The following NRXN3 variants were observed in gnomAD, a reference collection of about 807,000 sequenced individuals.
NRXN3 encodes the protein neurexin 3.
A neutral mutation model predicts 137.6 loss-of-function variants in NRXN3; 32 were observed. That is an observed-to-expected ratio of 0.23 (90% CI 0.18 to 0.31). NRXN3 has a LOEUF of 0.31. Ranked by LOEUF, NRXN3 falls within the 10% of genes least tolerant of loss-of-function variation. The probability of loss-of-function intolerance (pLI) is 1.00; values close to 1 mark genes in which losing one functional copy is unlikely to be tolerated. For synonymous variants in NRXN3, 798 were observed against 784.5 expected, an observed-to-expected ratio of 1.02 and a Z score of -0.29; for missense variants, 1,574 against 2,062.5, an observed-to-expected ratio of 0.76 and a Z score of 4.59.
chr14:78,318,841 C>T (rs764316331), intron 4 of NRXN3, among the ~76,000 whole-genome samples: 26 of 152,198 alleles, frequency 1.7e-4, no homozygotes, highest in Non-Finnish European at 2.2e-4. Flanking sequence ...AGGGCTGCTG[C>T]CTCTTAGCAC....
chr14:79,627,481 C>T (rs1186453045), intron 16 of NRXN3, among the ~76,000 whole-genome samples: 1 of 152,160 alleles, frequency 6.6e-6, no homozygotes, highest in East Asian at 1.9e-4. Flanking sequence ...AATGAATAAG[C>T]CATCCATCTC....
chr14:78,318,714 A>G (rs1597270050), intron 4 of NRXN3, among the ~76,000 whole-genome samples: 1 of 152,138 alleles, frequency 6.6e-6, no homozygotes, highest in East Asian at 1.9e-4. Flanking sequence ...CAGTATAACA[A>G]GGGGCAGCCA....
chr14:78,194,829 C>T (rs1384218844), intron 1 of NRXN3, among the ~76,000 whole-genome samples: 3 of 152,198 alleles, frequency 2.0e-5, no homozygotes, highest in Non-Finnish European at 4.4e-5. Flanking sequence ...CTCTCAGGGG[C>T]CCAGCCAGCA....
chr14:78,430,524 A>G (rs1235749403), intron 4 of NRXN3, among the ~76,000 whole-genome samples: 2 of 152,334 alleles, frequency 1.3e-5, no homozygotes, highest in Non-Finnish European at 2.9e-5. Context: ...TTTTATAAAT[A>G]CTAGTCCAGT....
chr14:78,538,434 G>T (rs1418267154), intron 4 of NRXN3, among the ~76,000 whole-genome samples: 1 of 152,134 alleles, frequency 6.6e-6, no homozygotes. Context: ...TGGTGTATAG[G>T]AATGCTTGTG....
intron 1 of NRXN3, among the ~76,000 whole-genome samples, chr14:78,199,756 G>T (rs4903724): frequency 0.16 from 24,696 of 152,164 alleles, 2,149 homozygotes; most frequent in East Asian, 0.2. Flanking sequence ...TCTCCCAGGA[G>T]GTTTGATGAG....
At chr14:78,774,890 G>A (rs969473050) in intron 8 of NRXN3, among the ~76,000 whole-genome samples, 6 of 151,978 alleles carry the variant, frequency 3.9e-5, no homozygotes, top group African/African-American at 9.7e-5. Flanking sequence ...GCCACTACAC[G>A]CTAGCCTGGG....
chr14:78,837,602 G>C (rs1379931346), intron 10 of NRXN3, among the ~76,000 whole-genome samples: 1 of 151,692 alleles, frequency 6.6e-6, no homozygotes, highest in Non-Finnish European at 1.5e-5. Context: ...AGAAATACTT[G>C]TTCTTGGTTG....
intron 4 of NRXN3, among the ~76,000 whole-genome samples, chr14:78,553,108 A>G (rs1013425637): frequency 1.3e-5 from 2 of 152,156 alleles, no homozygotes; most frequent in Middle Eastern, 3.2e-3. Flanking sequence ...ATCTTTAACC[A>G]CATTGACTTG....
chr14:79,357,803 C>A (rs1276074418), intron 15 of NRXN3, among the ~76,000 whole-genome samples: 7 of 152,196 alleles, frequency 4.6e-5, no homozygotes, highest in Non-Finnish European at 1.0e-4. Context: ...GAATGCCACT[C>A]ATAGAATTGA....
chr14:79,448,824 G>A (rs371217329), intron 15 of NRXN3, among the ~76,000 whole-genome samples: 1 of 152,230 alleles, frequency 6.6e-6, no homozygotes, highest in East Asian at 1.9e-4. Flanking sequence ...GATTAAATGG[G>A]TGAACATGTG....
At chr14:79,260,931 C>T (rs1304585766) in intron 15 of NRXN3, among the ~76,000 whole-genome samples, 1 of 152,120 alleles carries the variant, frequency 6.6e-6, no homozygotes, top group Non-Finnish European at 1.5e-5. Flanking sequence ...TATTTTTCAC[C>T]ATTACAGATT....
Position 79,058,201 on chromosome 14 carries a change from A to G in NRXN3, c.3262+70060A>G, listed in dbSNP as rs367643505. Among the ~76,000 whole-genome samples the G allele has an allele frequency of 2.8e-4, 43 of 152,168 alleles. No individual in the cohort carries two copies. In the Middle Eastern group the frequency reaches 0.01, roughly 36 times the overall value. On this transcript the variant is annotated intron_variant, in intron 15 of 20. Transcript: ENST00000335750. ...GAATTTAACAGGGGTGATTAAAAGG[A>G]TTGCTGAGGTTCAAACTGAGGTTGG... is the stretch of plus-strand genomic sequence containing the variant.
At chr14:79,065,004 T>C (rs1266250697) in intron 15 of NRXN3, among the ~76,000 whole-genome samples, 2 of 151,894 alleles carry the variant, frequency 1.3e-5, no homozygotes, top group Non-Finnish European at 2.9e-5. Context: ...GAGCTGCTTC[T>C]CCCAAAATCC....
In NRXN3 at chr14:79,849,091, T is replaced by C. The variant is rs558467854; in HGVS notation, c.4094-12251T>C. Among the ~76,000 whole-genome samples the C allele has an allele frequency of 3.9e-5, 6 of 152,330 alleles. No homozygotes were observed. The South Asian group carries it at 1.2e-3, about 32-fold the overall frequency. ...AGAAGTCCTGTTGACTCTGCCTCGA[T>C]AACAAATTGCTCACACATTTCCTTT... is the stretch of plus-strand genomic sequence containing the variant. On this transcript the variant is annotated intron_variant, in intron 20 of 20. Transcript: ENST00000335750.
chr14:78,352,977 G>A (rs2083760426), intron 4 of NRXN3, among the ~76,000 whole-genome samples: 2 of 152,170 alleles, frequency 1.3e-5, no homozygotes, highest in Admixed American at 6.5e-5. Context: ...GATGGGATTG[G>A]GCTGGGAATT....
intron 16 of NRXN3, among the ~76,000 whole-genome samples, chr14:79,563,294 G>A (rs1345060814): frequency 1.3e-5 from 2 of 152,088 alleles, no homozygotes; most frequent in Non-Finnish European, 2.9e-5. Context: ...CAAGTGCCAT[G>A]TGTCAAAGCT....
intron 15 of NRXN3, among the ~76,000 whole-genome samples, chr14:79,015,053 C>A (rs983674810): frequency 6.6e-6 from 1 of 152,092 alleles, no homozygotes; most frequent in South Asian, 2.1e-4. Flanking sequence ...GCTCAGAGTG[C>A]GCCTGTCTTC....
chr14:79,199,226 T>C (rs1450460093), intron 15 of NRXN3, among the ~76,000 whole-genome samples: 2 of 152,128 alleles, frequency 1.3e-5, no homozygotes, highest in Non-Finnish European at 2.9e-5. Flanking sequence ...CACCTTTCCT[T>C]CTCTTCCTTC....
Sources: gnomAD v4.1 joint callset for allele counts (sites outside exome capture counted in the v4.1 genomes callset) on GRCh38, gnomAD v4.1.1 for gene constraint, MANE v1.5 for transcripts, NCBI Gene and HGNC (gene_info 2026-07-23, HGNC 2026-07-21) for gene names.